HYDIN: variants seen among roughly 807,000 people sequenced by gnomAD.
The protein encoded by HYDIN is HYDIN axonemal central pair apparatus protein, also known as axonemal central pair apparatus protein HYDIN.
HYDIN carries 132 observed loss-of-function variants against 403.9 expected under a neutral mutation model. That is an observed-to-expected ratio of 0.33 (90% CI 0.28 to 0.38). The LOEUF is 0.38. Among genes scored for constraint, HYDIN ranks in the 10% least tolerant of loss-of-function variants. The pLI is 1.00. For missense variants in HYDIN, 2,827 were observed against 5,009.5 expected (o/e 0.56, Z 13.15); for synonymous variants, 1,202 against 1,891.7 (o/e 0.64, Z 9.46).
chr16:70,902,821 A>ATATTTTTTTTTTTTTTTTTTTT, intron 52 of HYDIN, among the ~76,000 whole-genome samples: 6 of 47,298 alleles, frequency 1.3e-4, no homozygotes, highest in African/African-American at 3.5e-4. Context: ...ATATATATAT[A>ATATTTTTTTTTTTTTTTTTTTT]TTTTTTTTTT....
intron 23 of HYDIN, among the ~76,000 whole-genome samples, chr16:71,017,538 C>T (rs902293286): frequency 1.3e-5 from 2 of 151,756 alleles, no homozygotes; most frequent in Admixed American, 6.6e-5. Flanking sequence ...CATTCTCAGG[C>T]AGTTCTTTAT....
chr16:71,171,901 T>C (rs1250815893), intron 5 of HYDIN, among the ~76,000 whole-genome samples: 1 of 152,230 alleles, frequency 6.6e-6, no homozygotes. Context: ...CTGCACCCTT[T>C]CTATGTATCA....
intron 1 of HYDIN, among the ~76,000 whole-genome samples, chr16:71,200,064 C>T (rs1478176366): frequency 6.6e-6 from 1 of 152,190 alleles, no homozygotes; most frequent in East Asian, 1.9e-4. Flanking sequence ...CGAGAATGAC[C>T]TCTGGTCGTC....
At chr16:71,203,421 G>A (rs1357169514) in intron 1 of HYDIN, among the ~76,000 whole-genome samples, 1 of 152,132 alleles carries the variant, frequency 6.6e-6, no homozygotes, top group African/African-American at 2.4e-5. Context: ...TATTCCTGGA[G>A]TTTATTAGGA....
intron 38 of HYDIN, among the ~76,000 whole-genome samples, chr16:70,961,385 C>T (rs944220363): frequency 1.1e-4 from 17 of 152,096 alleles, no homozygotes; most frequent in Non-Finnish European, 2.4e-4. Flanking sequence ...TAAAGATCTC[C>T]TGAGCCTCAC....
intron 18 of HYDIN, among the ~76,000 whole-genome samples, chr16:71,048,804 C>A (rs556480081): frequency 6.6e-6 from 1 of 152,270 alleles, no homozygotes; most frequent in African/African-American, 2.4e-5. Context: ...AATCTGTACA[C>A]CAAATCCCCA....
chr16:71,038,678 T>G (rs1388791605), intron 18 of HYDIN, among the ~76,000 whole-genome samples: 1 of 152,298 alleles, frequency 6.6e-6, no homozygotes, highest in Non-Finnish European at 1.5e-5. Flanking sequence ...AAATTTCTTT[T>G]GAGAAGAAGT....
chr16:71,070,664 T>A lies in HYDIN; in HGVS notation c.1739-1162A>T, dbSNP rs1045970792. Among the ~76,000 whole-genome samples, 41 of 132,872 alleles carry A rather than the reference T, an allele frequency of 3.1e-4. 1 individual carries two copies. The highest frequency in any genetic ancestry group is 5.4e-4 in the Non-Finnish European group (35 of 65,012). 87.2% of individuals were successfully genotyped at this position (132,872 alleles called of 152,430 possible). ...GATTTTCGATTCCCTAGGCAGCTAT[T>A]GTATCTGATACCACTTTCAGAACAA... On this transcript the variant is annotated intron_variant, in intron 13 of 85. Coordinates refer to ENST00000393567, the MANE Select transcript of HYDIN (RefSeq NM_001270974.2).
rs1204464636 is a variant in HYDIN, at chr16:70,923,046, G to A, written c.7159-1829C>T. On this transcript the variant is annotated intron_variant, in intron 45 of 85. Coordinates refer to ENST00000393567, the MANE Select transcript of HYDIN (RefSeq NM_001270974.2). ...GCCTCCCAAAGTGTTGGGATTACAGGCATAAGCCACTATGCCTGGCCCCTT... is the reference window on the plus strand; with the variant it reads ...GCCTCCCAAAGTGTTGGGATTACAGACATAAGCCACTATGCCTGGCCCCTT... Among the ~76,000 whole-genome samples, 4 of 152,076 alleles carry A rather than the reference G, an allele frequency of 2.6e-5. No homozygotes were observed. In the East Asian group the frequency reaches 7.8e-4, roughly 30 times the overall value.
chr16:71,175,818 A>AGT, intron 4 of HYDIN, 77 bp from the exon 5 acceptor site: 1 of 1,440,460 alleles, frequency 6.9e-7, no homozygotes, highest in Non-Finnish European at 9.7e-7. Context: ...TCCATCAACT[A>AGT]CTTACTAGAC....
At chr16:70,810,560 G>A (rs1469563196) in intron 84 of HYDIN, among the ~76,000 whole-genome samples, 8 of 152,170 alleles carry the variant, frequency 5.3e-5, no homozygotes, top group Non-Finnish European at 7.4e-5. Context: ...GGCCTGGTGC[G>A]GTGGCTCATG....
At chr16:71,034,572 T>C (rs970424964) in intron 18 of HYDIN, among the ~76,000 whole-genome samples, 2 of 151,682 alleles carry the variant, frequency 1.3e-5, no homozygotes, top group African/African-American at 4.8e-5. Context: ...AATCTAATAT[T>C]TAAAGCAAAA....
rs777860122 is a variant in HYDIN at position 71,186,756 on chromosome 16, A to T, written c.135+5T>A. Reference sequence around the variant, plus strand: ...ATTTTACATATTAATTCCCGGATACATTACCATTCGGTTTACTTCTTCTTC... The same window carrying T: ...ATTTTACATATTAATTCCCGGATACTTTACCATTCGGTTTACTTCTTCTTC... On this transcript the variant is annotated splice_donor_5th_base_variant and intron_variant, in intron 2 of 85. Transcript: ENST00000393567. The T allele has an allele frequency of 1.2e-6, 2 of 1,609,826 alleles. No homozygotes were observed. Among genetic ancestry groups the T allele is most frequent in the Non-Finnish European group, 8.5e-7 (1 of 1,177,466 alleles).
At chr16:71,027,033 C>G (rs1285472291) in intron 20 of HYDIN, 2 of 656,678 alleles carry the variant, frequency 3.0e-6, no homozygotes, top group Non-Finnish European at 3.8e-6. Flanking sequence ...TAAAGAAACA[C>G]TCATGATTTG....
At position 71,093,851 on chromosome 16, in the gene HYDIN, C is replaced by A. The variant is rs1478956863; in HGVS notation, c.1412G>T (p.Gly471Val). The stretch of plus-strand genomic sequence containing the variant: ...ATGTGCAGATCCAGTGAAAACTTTC[C>A]CAATATCCAGCAATTCAAAGTTGAA... ...IHFNFELLDI[G>V]KVFTGSAHCY... is the part of the protein sequence containing the mutation. The change falls in exon 11 of 86, where the codon GGG (glycine) becomes GTG (valine). Residue 471 changes from glycine (G) to valine (V), a missense_variant. Physicochemically the swap from Gly to Val is moderately radical, Grantham distance 109. Transcript: ENST00000393567. 1 of 1,613,478 alleles carries A rather than the reference C, an allele frequency of 6.2e-7. No homozygotes were observed. Among genetic ancestry groups the A allele is most frequent in the Non-Finnish European group, 8.5e-7 (1 of 1,179,726 alleles).
chr16:71,063,655 G>T (rs545225197), intron 16 of HYDIN, among the ~76,000 whole-genome samples: 1 of 152,244 alleles, frequency 6.6e-6, no homozygotes, highest in East Asian at 1.9e-4. Context: ...TTGGCTTCTA[G>T]TTCTGTCTCA....
At chr16:71,077,135 A>T (rs12447129) in intron 13 of HYDIN, among the ~76,000 whole-genome samples, 44,288 of 147,840 alleles carry the variant, frequency 0.3, 6,921 homozygotes, top group East Asian at 0.55. Flanking sequence ...GCCTCCACTG[A>T]TCTGAAATTT....
intron 47 of HYDIN, among the ~76,000 whole-genome samples, chr16:70,909,836 C>A (rs1054054820): frequency 2.6e-5 from 4 of 151,598 alleles, no homozygotes; most frequent in African/African-American, 9.7e-5. Context: ...GCTGGGACTA[C>A]AGGCGCCTGC....
At chr16:71,053,100 T>C (rs2081720260) in intron 18 of HYDIN, among the ~76,000 whole-genome samples, 3 of 152,076 alleles carry the variant, frequency 2.0e-5, no homozygotes, top group Admixed American at 2.0e-4. Flanking sequence ...TCAATCTCAA[T>C]AGTAATAAGG....
Sources: gnomAD v4.1 joint callset for allele counts (sites outside exome capture counted in the v4.1 genomes callset) on GRCh38, gnomAD v4.1.1 for gene constraint, MANE v1.5 for transcripts, NCBI Gene and HGNC (gene_info 2026-07-23, HGNC 2026-07-21) for gene names.